Variants in ARHGAP24 observed in about 807,000 individuals in gnomAD.
ARHGAP24 encodes the protein Rho GTPase activating protein 24.
Under a neutral mutation model 76.4 loss-of-function variants are expected in ARHGAP24, and 50 were observed. The ratio of observed to expected loss-of-function variants is 0.65; its 90% confidence interval spans 0.52 to 0.83. ARHGAP24 has a LOEUF of 0.83. Among genes scored for constraint, ARHGAP24 ranks in the 40% least tolerant of loss-of-function variants. ARHGAP24 has a pLI of 0.00. For synonymous variants in ARHGAP24, 345 were observed against 323.3 expected, an observed-to-expected ratio of 1.07 and a Z score of -0.72; for missense variants, 930 against 914.2, an observed-to-expected ratio of 1.02 and a Z score of -0.22.
intron 2 of ARHGAP24, among the ~76,000 whole-genome samples, chr4:85,716,232 C>T (rs1183655366): frequency 1.3e-5 from 2 of 152,032 alleles, no homozygotes; most frequent in Non-Finnish European, 2.9e-5. Flanking sequence ...GTGGTTTTGG[C>T]TCAGTGATCT....
intron 3 of ARHGAP24, among the ~76,000 whole-genome samples, chr4:85,804,344 A>C (rs955433085): frequency 1.3e-5 from 2 of 152,208 alleles, no homozygotes; most frequent in African/African-American, 2.4e-5. Flanking sequence ...CAGGTACTGT[A>C]CTTGGATCAT....
intron 3 of ARHGAP24, among the ~76,000 whole-genome samples, chr4:85,783,191 C>T (rs988503465): frequency 5.3e-5 from 8 of 152,066 alleles, no homozygotes; most frequent in African/African-American, 1.9e-4. Context: ...AACCCCCCTC[C>T]TTTTCTTTTT....
At chr4:85,640,099 A>G (rs1415963345) in intron 2 of ARHGAP24, among the ~76,000 whole-genome samples, 1 of 152,098 alleles carries the variant, frequency 6.6e-6, no homozygotes, top group Non-Finnish European at 1.5e-5. Flanking sequence ...CAAATAATCC[A>G]TTCCAGAGCC....
chr4:85,959,116 G>A (rs1738095678), intron 5 of ARHGAP24, among the ~76,000 whole-genome samples: 2 of 152,208 alleles, frequency 1.3e-5, no homozygotes. Flanking sequence ...CCCGACGGCT[G>A]CTGGTTGCTG....
At chr4:85,564,923 G>GATAT (rs1726765216) in intron 1 of ARHGAP24, among the ~76,000 whole-genome samples, 1 of 36,720 alleles carries the variant, frequency 2.7e-5, no homozygotes, top group African/African-American at 9.3e-5. Context: ...GAACACACAC[G>GATAT]GTATATATAT....
chr4:85,711,702 T>C (rs1724533659), intron 2 of ARHGAP24, among the ~76,000 whole-genome samples: 1 of 152,190 alleles, frequency 6.6e-6, no homozygotes, highest in Non-Finnish European at 1.5e-5. Context: ...GTTAAAAAAT[T>C]AGCAAGGTCA....
rs1177689492 is a variant in ARHGAP24 at position 85,485,407 on chromosome 4, ATATATATC to A, written c.-21+9850_-21+9857del. Among the ~76,000 whole-genome samples, 437 of 103,292 alleles carry A rather than the reference ATATATATC, an allele frequency of 4.2e-3. 7 individuals carry two copies. Among genetic ancestry groups the A allele is most frequent in the African/African-American group, 0.014 (358 of 24,862 alleles). 67.8% of individuals were successfully genotyped at this position (103,292 alleles called of 152,430 possible). ...TATATATATATATATATATATATAT[ATATATATC>A]TCCTTGGATTTTTAAAATGTAGGCT... On this transcript the variant is annotated intron_variant, in intron 1 of 9. Coordinates refer to ENST00000395184, the MANE Select transcript of ARHGAP24 (RefSeq NM_001025616.3).
At chr4:85,787,357 G>A (rs186853525) in intron 3 of ARHGAP24, among the ~76,000 whole-genome samples, 1 of 152,122 alleles carries the variant, frequency 6.6e-6, no homozygotes, top group Non-Finnish European at 1.5e-5. Context: ...TTCACCATTT[G>A]TTGGAGTTTC....
intron 2 of ARHGAP24, among the ~76,000 whole-genome samples, chr4:85,666,360 C>A (rs1445391462): frequency 6.6e-6 from 1 of 152,118 alleles, no homozygotes; most frequent in Non-Finnish European, 1.5e-5. Context: ...CCTGTAAGCA[C>A]TTCTCTGTAT....
chr4:85,697,637 T>G (rs1378365675), intron 2 of ARHGAP24, among the ~76,000 whole-genome samples: 2 of 152,228 alleles, frequency 1.3e-5, no homozygotes, highest in Non-Finnish European at 2.9e-5. Context: ...GAAGACAGGT[T>G]AACATACTAA....
chr4:85,563,723 A>T (rs1726690029), intron 1 of ARHGAP24, among the ~76,000 whole-genome samples: 2 of 152,242 alleles, frequency 1.3e-5, no homozygotes, highest in Admixed American at 1.3e-4. Flanking sequence ...CATTCATTGC[A>T]TCCAGGGAAA....
intron 1 of ARHGAP24, among the ~76,000 whole-genome samples, chr4:85,499,967 A>C (rs1345436623): frequency 6.6e-6 from 1 of 152,174 alleles, no homozygotes; most frequent in Non-Finnish European, 1.5e-5. Flanking sequence ...TTAAACTGTA[A>C]ATTTTATGAA....
At chr4:85,897,149 T>A (rs1734223516) in intron 3 of ARHGAP24, among the ~76,000 whole-genome samples, 1 of 152,020 alleles carries the variant, frequency 6.6e-6, no homozygotes, top group Admixed American at 6.6e-5. Context: ...ATAGGATGAG[T>A]TCTTGAAAGG....
intron 3 of ARHGAP24, among the ~76,000 whole-genome samples, chr4:85,878,907 C>A (rs979145227): frequency 2.6e-5 from 4 of 152,116 alleles, no homozygotes; most frequent in African/African-American, 9.7e-5. Flanking sequence ...AAGATGTCAC[C>A]TTTGTGAAAG....
chr4:85,788,441 G>A (rs62315357), intron 3 of ARHGAP24, among the ~76,000 whole-genome samples: 39,685 of 151,914 alleles, frequency 0.26, 5,472 homozygotes, highest in African/African-American at 0.31. Context: ...TAATCTTATC[G>A]AAAGTGTAAA....
intron 2 of ARHGAP24, among the ~76,000 whole-genome samples, chr4:85,718,493 C>A (rs35361328): frequency 0.52 from 79,094 of 151,922 alleles, 23,580 homozygotes; most frequent in Non-Finnish European, 0.69. Context: ...GCATTTTCAA[C>A]ACTATAAATA....
intron 4 of ARHGAP24, among the ~76,000 whole-genome samples, chr4:85,927,596 C>T (rs1736088053): frequency 6.6e-6 from 1 of 152,052 alleles, no homozygotes; most frequent in Non-Finnish European, 1.5e-5. Flanking sequence ...AAACCCAGGC[C>T]CTGTTAATAC....
chr4:85,487,744 T>G (rs1464125495), intron 1 of ARHGAP24, among the ~76,000 whole-genome samples: 5 of 104,474 alleles, frequency 4.8e-5, no homozygotes, highest in Non-Finnish European at 8.6e-5. Context: ...TATTATATAA[T>G]ATATATTTAT....
chr4:85,846,758 A>G (rs539542086), intron 3 of ARHGAP24, among the ~76,000 whole-genome samples: 1 of 152,334 alleles, frequency 6.6e-6, no homozygotes, highest in East Asian at 1.9e-4. Flanking sequence ...ACTGGGAAAA[A>G]GCAATAAGGA....
Sources: allele counts gnomAD v4.1 joint callset (sites outside exome capture counted in the v4.1 genomes callset), GRCh38; gene constraint gnomAD v4.1.1; transcripts MANE v1.5; gene names NCBI Gene and HGNC (gene_info 2026-07-23, HGNC 2026-07-21).